Variants in AVIL observed in about 807,000 individuals in gnomAD.
AVIL encodes advillin.
Under a neutral mutation model 109.9 loss-of-function variants are expected in AVIL, and 78 were observed. That is an observed-to-expected ratio of 0.71 (90% confidence interval 0.59 to 0.86). The LOEUF (loss-of-function observed/expected upper bound fraction) is 0.86, where lower values mean the gene tolerates loss of function less well. Among genes scored for constraint, AVIL ranks in the 40% least tolerant of loss-of-function variants. AVIL has a pLI of 0.00. For missense variants in AVIL, 892 were observed against 1,016.5 expected (o/e 0.88, Z 1.67); for synonymous variants, 367 against 379.1 (o/e 0.97, Z 0.37).
intron 14 of AVIL, 137 bp downstream of exon 14, chr12:57,806,223 C>A (rs950808563): frequency 1.2e-5 from 9 of 737,096 alleles, no homozygotes; most frequent in African/African-American, 1.8e-5. Context: ...TTCTCTGTAT[C>A]ATTCCAGTTT....
chr12:57,799,735 T>C (rs1045149422), intron 19 of AVIL, 60 bp downstream of exon 19: 2 of 1,607,130 alleles, frequency 1.2e-6, no homozygotes, highest in Admixed American at 1.7e-5. Context: ...TTTGCTGAGC[T>C]GAGTTTTTTA....
chr12:57,802,025 C>T (rs1194166020), intron 17 of AVIL, 135 bp downstream of exon 17: 11 of 1,004,038 alleles, frequency 1.1e-5, no homozygotes, highest in Non-Finnish European at 1.6e-5. Flanking sequence ...AAGTAAAAGG[C>T]AGGGAGTGGG....
rs751789371 is a variant in AVIL at position 57,802,218 on chromosome 12, C to A, written c.2093G>T (p.Gly698Val). ...PDTPILIIKQGFEPPIFTGWF... is the reference protein window; with the variant it reads ...PDTPILIIKQVFEPPIFTGWF... ...GCCTGTGAAGATGGGAGGCTCAAAC[C>A]CCTGCTTAATGATCAGGATTGGTGT... The change falls in exon 17 of 20, where the codon GGG (glycine) becomes GTG (valine). Residue 698 changes from glycine to valine, a missense_variant. Transcript: ENST00000549994. 2.5e-6 allele frequency: 4 copies of A among 1,613,960 alleles called. No individual in the cohort carries two copies. In the African/African-American group the frequency reaches 4.0e-5, roughly 16 times the overall value.
intron 11 of AVIL, 85 bp from the exon 12 acceptor site, chr12:57,807,812 A>T (rs1955974168): frequency 1.9e-6 from 3 of 1,573,598 alleles, no homozygotes; most frequent in Non-Finnish European, 2.6e-6. Context: ...CCAGGTGGGA[A>T]AGGTGCTGAC....
intron 19 of AVIL, among the ~76,000 whole-genome samples, chr12:57,799,146 G>A (rs1955795759): frequency 6.6e-6 from 1 of 152,198 alleles, no homozygotes; most frequent in Admixed American, 6.5e-5. Context: ...GTCAGGAAAT[G>A]CCTCCCTGGG....
intron 3 of AVIL, among the ~76,000 whole-genome samples, chr12:57,813,696 G>A (rs927379305): frequency 3.3e-5 from 5 of 152,168 alleles, no homozygotes; most frequent in African/African-American, 1.2e-4. Context: ...TTTCCCAGCC[G>A]GGTTGCAGGC....
At chr12:57,798,424 C>A (rs1955779443) in intron 19 of AVIL, among the ~76,000 whole-genome samples, 2 of 152,060 alleles carry the variant, frequency 1.3e-5, no homozygotes, top group Non-Finnish European at 2.9e-5. Flanking sequence ...GCATAAAATT[C>A]TTCTACACAT....
intron 12 of AVIL, 32 bp downstream of exon 12, chr12:57,807,558 G>C (rs746015419): frequency 4.6e-5 from 75 of 1,614,130 alleles, no homozygotes; most frequent in Admixed American, 1.7e-4. Context: ...GGACACATCA[G>C]GATCCAAAGC....
chr12:57,817,016 C>T (rs769521512), intron 1 of AVIL, among the ~76,000 whole-genome samples: 6 of 152,014 alleles, frequency 3.9e-5, no homozygotes, highest in African/African-American at 9.7e-5. Context: ...TGGTAAAGAT[C>T]TAAGTCTGTG....
At position 57,807,475 on chromosome 12, in the gene AVIL, T is replaced by G; in HGVS notation, c.1347A>C (p.Ser449=). 6.2e-7 allele frequency: 1 copy of G among 1,614,222 alleles called. No individual in the cohort carries two copies. The highest frequency in any genetic ancestry group is 2.2e-5 in the East Asian group (1 of 44,880). Residue 449 remains serine (S), a synonymous_variant, in exon 13 of 20, where the codon TCA becomes TCC. Transcript: ENST00000549994. ...ILYIWQGRHA[S]QDELAASAYQ... ...ATGCTGAGGCTGCCAGCTCATCCTG[T>G]GAGGCGTGGCGGCCCTGCAATGGTG...
At position 57,801,373 on chromosome 12, in the gene AVIL, G is replaced by T. The variant is rs560739712; in HGVS notation, c.2152-161C>A. 2.3e-3 allele frequency: 1,307 copies of T among 561,002 alleles called. 4 individuals carry two copies. Among genetic ancestry groups the T allele is most frequent in the Non-Finnish European group, 3.7e-3 (1,174 of 315,900 alleles). The allele number at this position is 561,002 out of a possible 1,614,324, so 34.8% of individuals were successfully genotyped here. A position where few individuals can be genotyped will look rare whatever the true frequency, so the allele number is the denominator to read the frequency against. On this transcript the variant is annotated intron_variant, in intron 17 of 19. Coordinates refer to ENST00000549994, the MANE Select transcript of AVIL (RefSeq NM_006576.4). ...AATCCCCCCTTTTGGGTCCATGCAG[G>T]CTTGAAAGGTGCTTAAACATAACGC...
At chr12:57,803,039 C>T (rs184683780) in intron 16 of AVIL, among the ~76,000 whole-genome samples, 1 of 152,238 alleles carries the variant, frequency 6.6e-6, no homozygotes, top group Admixed American at 6.5e-5. Context: ...GGAAAATGCC[C>T]AGGATGGTGA....
chr12:57,807,706 C>T lies in AVIL; in HGVS notation c.1216G>A (p.Glu406Lys). ...CATTGATACTCCACAGGGACCAGCT[C>T]CAGGTTCTCAATTCTCCAGACCTGG... is the stretch of plus-strand genomic sequence containing the variant. ...KVEVWRIENL[E>K]LVPVEYQWYG... The change falls in exon 12 of 20, where the codon GAG becomes AAG. Residue 406 changes from glutamate to lysine, a missense_variant. By Grantham distance (56) the Glu-to-Lys change is moderately conservative (BLOSUM62 1). Transcript: ENST00000549994. 1 of 1,614,018 alleles carries T rather than the reference C, an allele frequency of 6.2e-7. No individual in the cohort carries two copies. Among genetic ancestry groups the T allele is most frequent in the Non-Finnish European group, 8.5e-7 (1 of 1,180,044 alleles).
chr12:57,806,133 CTTTTTTTTTT>C (rs372846869), intron 14 of AVIL: 3 of 142,458 alleles, frequency 2.1e-5, no homozygotes, highest in Non-Finnish European at 3.8e-5. Context: ...CCGTGCCCAG[CTTTTTTTTTT>C]TTTTTTTTTT....
intron 1 of AVIL, 135 bp downstream of exon 1, chr12:57,818,494 C>T (rs1460082985): frequency 6.6e-6 from 1 of 152,152 alleles, no homozygotes; most frequent in African/African-American, 2.4e-5. Flanking sequence ...CAAAACTGGC[C>T]AGCCAGACTC....
chr12:57,801,355 C>G (rs1955844398), intron 17 of AVIL, 143 bp from the exon 18 acceptor site: 2 of 624,648 alleles, frequency 3.2e-6, no homozygotes, highest in African/African-American at 3.7e-5. Flanking sequence ...GAAAATCCCC[C>G]CTTTTGGGTC....
rs761810059 is a variant in AVIL at position 57,810,556 on chromosome 12, CAAAG to C, written c.559-9_559-6del. 5.6e-6 allele frequency: 9 copies of C among 1,612,732 alleles called. No individual in the cohort carries two copies. Among genetic ancestry groups the C allele is most frequent in the East Asian group, 2.2e-5 (1 of 44,894 alleles). On this transcript the variant is annotated splice_region_variant and splice_polypyrimidine_tract_variant and intron_variant, in intron 6 of 19. Transcript: ENST00000549994. ...ATCCTTTGCCAGAAGCATAGCCTGT[CAAAG>C]AAGCCCAAGGAAGCCCTCAGCTCCT...
At chr12:57,806,668 A>C (rs1955952850) in intron 13 of AVIL, 129 bp from the exon 14 acceptor site, 1 of 1,026,514 alleles carries the variant, frequency 9.7e-7, no homozygotes, top group African/African-American at 1.6e-5. Flanking sequence ...GACTCACTGG[A>C]AAGGGTCAGG....
At position 57,803,619 on chromosome 12, in the gene AVIL, G is replaced by C. The variant is rs148345178; in HGVS notation, c.1722C>G (p.Leu574=). ...RAMAKELASL[L]CDGSENTVAE... is the part of the protein sequence containing the mutation. ...CCACAGTGTTCTCGCTGCCATCACAGAGAAGGCTGGCCAGCTCCTTAGCCA... is the reference window on the plus strand; with the variant it reads ...CCACAGTGTTCTCGCTGCCATCACACAGAAGGCTGGCCAGCTCCTTAGCCA... The change falls in exon 15 of 20, where the codon CTC becomes CTG. Residue 574 remains leucine, a synonymous_variant. Coordinates refer to ENST00000549994, the MANE Select transcript of AVIL (RefSeq NM_006576.4). The C allele has an allele frequency of 8.1e-6, 13 of 1,614,084 alleles. No individual in the cohort carries two copies. The highest frequency in any genetic ancestry group is 1.1e-5 in the Non-Finnish European group (13 of 1,180,040).
Sources: gnomAD v4.1 joint callset for allele counts (sites outside exome capture counted in the v4.1 genomes callset) on GRCh38, gnomAD v4.1.1 for gene constraint, MANE v1.5 for transcripts, NCBI Gene and HGNC (gene_info 2026-07-23, HGNC 2026-07-21) for gene names.